The following GAB1 variants were observed in gnomAD, a reference collection of about 807,000 sequenced individuals.
GAB1 encodes the protein GRB2-associated-binding protein 1.
Under a neutral mutation model 66.5 loss-of-function variants are expected in GAB1, and 19 were observed. The observed-to-expected ratio is 0.29, with a 90% CI of 0.20 to 0.42. The LOEUF is 0.42. GAB1 is among the 10% of genes least tolerant of loss of function. GAB1 has a pLI of 1.00. For missense variants in GAB1, 732 were observed against 858.5 expected (o/e 0.85, Z 1.84); for synonymous variants, 294 against 301.4 (o/e 0.98, Z 0.25).
At chr4:143,362,620 A>T (rs541932022) in intron 1 of GAB1, among the ~76,000 whole-genome samples, 25 of 152,320 alleles carry the variant, frequency 1.6e-4, no homozygotes, top group African/African-American at 5.8e-4. Flanking sequence ...GTAAACTGTC[A>T]TGGCGCTGAT....
At position 143,438,048 on chromosome 4, in the gene GAB1, G is replaced by A. The variant is rs1173096209; in HGVS notation, c.643G>A (p.Asp215Asn). 1.2e-6 allele frequency: 2 copies of A among 1,613,890 alleles called. No homozygotes were observed. The highest frequency in any genetic ancestry group is 1.7e-6 in the Non-Finnish European group (2 of 1,179,942). ...KSTSSETDCNDNVPSHKNPAS... is the reference protein window; with the variant it reads ...KSTSSETDCNNNVPSHKNPAS... The stretch of plus-strand genomic sequence containing the variant: ...CACCTCTTCTGAAACAGACTGCAAT[G>A]ATAACGTCCCTTCTCATAAAAATCC... Residue 215 changes from aspartate (D) to asparagine (N), a missense_variant, in exon 4 of 10, where the codon GAT (aspartate) becomes AAT (asparagine). Coordinates refer to ENST00000262994, the MANE Select transcript of GAB1 (RefSeq NM_002039.4).
At position 143,438,026 on chromosome 4, in the gene GAB1, C is replaced by G. The variant is rs777808699; in HGVS notation, c.621C>G (p.Thr207=). ...TRTHADSAKS[T]SSETDCNDNV... The stretch of plus-strand genomic sequence containing the variant: ...CGCATGCTGATTCTGCAAAATCCAC[C>G]TCTTCTGAAACAGACTGCAATGATA... The change falls in exon 4 of 10, where the codon ACC becomes ACG. Residue 207 remains threonine, a synonymous_variant. Coordinates refer to ENST00000262994, the MANE Select transcript of GAB1 (RefSeq NM_002039.4). 1.2e-6 allele frequency: 2 copies of G among 1,612,674 alleles called. No homozygotes were observed. Among genetic ancestry groups the G allele is most frequent in the South Asian group, 1.1e-5 (1 of 90,912 alleles).
chr4:143,385,790 C>G (rs145924692), intron 1 of GAB1, among the ~76,000 whole-genome samples: 1 of 152,272 alleles, frequency 6.6e-6, no homozygotes, highest in African/African-American at 2.4e-5. Flanking sequence ...AAACAGTGGT[C>G]TGAGTGCCAA....
At chr4:143,416,683 A>T (rs1732709046) in intron 2 of GAB1, among the ~76,000 whole-genome samples, 1 of 152,104 alleles carries the variant, frequency 6.6e-6, no homozygotes, top group African/African-American at 2.4e-5. Flanking sequence ...CTGAGGCAGG[A>T]GAATCGCTTG....
At chr4:143,347,559 C>G (rs1306975592) in intron 1 of GAB1, among the ~76,000 whole-genome samples, 1 of 152,160 alleles carries the variant, frequency 6.6e-6, no homozygotes, top group African/African-American at 2.4e-5. Flanking sequence ...AGATAAAATC[C>G]TTTCCGTCAG....
chr4:143,342,543 CTTTTTTTTTTT>C lies in GAB1; in HGVS notation c.72+5300_72+5310del, dbSNP rs5862632. ...GAGAAAGTTTCAGAGGTGATAGATT[CTTTTTTTTTTT>C]TTTTTTTTTTTTTTTTGAGATGGAG... On this transcript the variant is annotated intron_variant, in intron 1 of 9. Transcript: ENST00000262994. Among the ~76,000 whole-genome samples the C allele has an allele frequency of 2.6e-4, 16 of 62,496 alleles. No individual in the cohort carries two copies. In the South Asian group the frequency reaches 9.5e-3, roughly 37 times the overall value. The allele number at this position is 62,496 out of a possible 152,430, so 41.0% of individuals were successfully genotyped here.
At chr4:143,464,168 A>G (rs974271068) in intron 8 of GAB1, among the ~76,000 whole-genome samples, 5 of 152,120 alleles carry the variant, frequency 3.3e-5, no homozygotes, top group African/African-American at 1.2e-4. Context: ...AGGGATTGCT[A>G]TTTATATTGA....
intron 1 of GAB1, among the ~76,000 whole-genome samples, chr4:143,397,321 C>G (rs983811509): frequency 6.6e-6 from 1 of 152,160 alleles, no homozygotes; most frequent in Non-Finnish European, 1.5e-5. Flanking sequence ...CTTGTATAAA[C>G]TTAATTCTTT....
chr4:143,354,222 A>G (rs1223748036), intron 1 of GAB1, among the ~76,000 whole-genome samples: 1 of 152,090 alleles, frequency 6.6e-6, no homozygotes, highest in Non-Finnish European at 1.5e-5. Context: ...TTTGTTTTTA[A>G]AATCGTACAC....
intron 1 of GAB1, among the ~76,000 whole-genome samples, chr4:143,373,350 ACCTTT>A (rs1229519820): frequency 1.3e-5 from 2 of 152,200 alleles, no homozygotes; most frequent in African/African-American, 4.8e-5. Context: ...ATAGCACCAG[ACCTTT>A]CCTTCAGATT....
intron 2 of GAB1, among the ~76,000 whole-genome samples, chr4:143,430,614 A>G (rs1733604230): frequency 6.6e-6 from 1 of 152,224 alleles, no homozygotes; most frequent in South Asian, 2.1e-4. Context: ...ATTATGAAAT[A>G]GAATTTCAGA....
chr4:143,441,256 T>G (rs1734214368), intron 6 of GAB1, among the ~76,000 whole-genome samples: 3 of 152,254 alleles, frequency 2.0e-5, no homozygotes, highest in Non-Finnish European at 4.4e-5. Flanking sequence ...TGTTGCACCA[T>G]GCTGTTAGTG....
At chr4:143,379,041 T>G (rs1730543990) in intron 1 of GAB1, among the ~76,000 whole-genome samples, 1 of 151,856 alleles carries the variant, frequency 6.6e-6, no homozygotes, top group South Asian at 2.1e-4. Context: ...GCTTTTCTGG[T>G]AGAAAATGTG....
chr4:143,441,918 TG>T, intron 6 of GAB1, among the ~76,000 whole-genome samples: 1 of 152,350 alleles, frequency 6.6e-6, no homozygotes, highest in Non-Finnish European at 1.5e-5. Context: ...ATGATGTGAT[TG>T]GTCTATGTGT....
chr4:143,457,660 G>A, intron 6 of GAB1: 2 of 925,898 alleles, frequency 2.2e-6, no homozygotes. Context: ...TATTAAGAGA[G>A]TCTTCTTTTT....
rs28989194 is a variant in GAB1 at position 143,346,032 on chromosome 4, T to C, written c.72+8772T>C. On this transcript the variant is annotated intron_variant, in intron 1 of 9. Transcript: ENST00000262994. ...CATTAGCCAGCCAGTTGTTGTAACA[T>C]TTTATTTGCTAACTTTTTAAATGAG... Among the ~76,000 whole-genome samples, 337 of 152,340 alleles carry C rather than the reference T, an allele frequency of 2.2e-3. 2 individuals carry two copies. The highest frequency in any genetic ancestry group is 7.7e-3 in the African/African-American group (321 of 41,578).
intron 6 of GAB1, among the ~76,000 whole-genome samples, chr4:143,454,425 T>A (rs1420364314): frequency 1.3e-5 from 2 of 152,224 alleles, no homozygotes; most frequent in South Asian, 4.1e-4. Flanking sequence ...CCAAGTGGTC[T>A]TTGTTATGTC....
chr4:143,438,537 G>A lies in GAB1; in HGVS notation c.1132G>A (p.Ala378Thr), dbSNP rs1734061209. Residue 378 changes from alanine (A) to threonine (T), a missense_variant, in exon 4 of 10, where the codon GCA becomes ACA. By Grantham distance (58) the Ala-to-Thr change is moderately conservative (BLOSUM62 0). Transcript: ENST00000262994. The part of the protein sequence containing the change: ...DTDSSYCIPT[A>T]GMSPSRSNTI... ...TGACAGTAGTTACTGTATCCCTACA[G>A]CAGGGATGTCGCCTTCACGTAGTAA... 2 of 1,613,884 alleles carry A rather than the reference G, an allele frequency of 1.2e-6. No individual in the cohort carries two copies. Among genetic ancestry groups the A allele is most frequent in the Non-Finnish European group, 1.7e-6 (2 of 1,179,948 alleles).
At chr4:143,445,711 T>A (rs113027817) in intron 6 of GAB1, among the ~76,000 whole-genome samples, 32 of 152,314 alleles carry the variant, frequency 2.1e-4, no homozygotes, top group Middle Eastern at 3.4e-3. Context: ...GAAAGCTTTT[T>A]CCAGGTCTAT....
Sources: allele counts gnomAD v4.1 joint callset (sites outside exome capture counted in the v4.1 genomes callset), GRCh38; gene constraint gnomAD v4.1.1; transcripts MANE v1.5; gene names NCBI Gene and HGNC (gene_info 2026-07-23, HGNC 2026-07-21).